Variants in TMOD1 observed in about 807,000 individuals in gnomAD.
The protein encoded by TMOD1 is tropomodulin 1.
TMOD1 carries 17 observed loss-of-function variants against 40.6 expected under a neutral mutation model. The observed-to-expected ratio is 0.42, with a 90% CI of 0.29 to 0.63. TMOD1 has a LOEUF of 0.63. Among genes scored for constraint, TMOD1 ranks in the 20% least tolerant of loss-of-function variants. The pLI, the probability that TMOD1 is intolerant of heterozygous loss-of-function variation, is 0.22. For missense variants in TMOD1, 391 were observed against 447.6 expected, an observed-to-expected ratio of 0.87 and a Z score of 1.14; for synonymous variants, 181 against 175.0, an observed-to-expected ratio of 1.03 and a Z score of -0.27.
chr9:97,568,904 A>C lies in TMOD1; in HGVS notation c.737A>C (p.Glu246Ala). 6.2e-7 allele frequency: 1 copy of C among 1,614,074 alleles called. No homozygotes were observed. The highest frequency in any genetic ancestry group is 2.2e-5 in the East Asian group (1 of 44,880). The change falls in exon 8 of 10, where the codon GAG becomes GCG. Residue 246 changes from glutamate (E) to alanine (A), a missense_variant. Transcript: ENST00000259365. ...SNDPVAYALAEMLKENKVLKT... is the reference protein window; with the variant it reads ...SNDPVAYALAAMLKENKVLKT... ...CTCTTGTGCTTCAAGGCCCTTGCTG[A>C]GATGCTCAAGGAGAACAAGGTGTTG...
intron 8 of TMOD1, among the ~76,000 whole-genome samples, chr9:97,580,608 AAAAG>A (rs1011508142): frequency 4.6e-5 from 7 of 152,064 alleles, no homozygotes; most frequent in Middle Eastern, 3.4e-3. Flanking sequence ...TCTGTCTCAG[AAAAG>A]AAAGAAAGAG....
At position 97,591,428 on chromosome 9, in the gene TMOD1, T is replaced by C. The variant is rs1410588673; in HGVS notation, c.1008T>C (p.Asn336=). The part of the protein sequence containing the change: ...LRASNAMMNN[N]DLVRKRRLAD... ...CATCCAACGCAATGATGAACAACAA[T>C]GACCTTGGTGAGTAGAAATATGCTT... Residue 336 remains asparagine (N), a synonymous_variant, in exon 9 of 10, where the codon AAT becomes AAC. Coordinates refer to ENST00000259365, the MANE Select transcript of TMOD1 (RefSeq NM_003275.4). 3 of 1,613,946 alleles carry C rather than the reference T, an allele frequency of 1.9e-6. No homozygotes were observed. The highest frequency in any genetic ancestry group is 1.3e-5 in the African/African-American group (1 of 74,928).
chr9:97,509,535 A>T (rs1354472166), intron 1 of TMOD1, among the ~76,000 whole-genome samples: 1 of 143,884 alleles, frequency 7.0e-6, no homozygotes, highest in Non-Finnish European at 1.5e-5. Context: ...TTTTTAGACA[A>T]GGTCTCACTC....
intron 1 of TMOD1, among the ~76,000 whole-genome samples, chr9:97,518,312 C>T (rs2131216700): frequency 6.6e-6 from 1 of 152,340 alleles, no homozygotes; most frequent in Non-Finnish European, 1.5e-5. Context: ...CCTCTGCCGG[C>T]CAAGGAACAC....
chr9:97,580,174 T>C lies in TMOD1; in HGVS notation c.871-11117T>C, dbSNP rs146540813. On this transcript the variant is annotated intron_variant, in intron 8 of 9. Transcript: ENST00000259365. Reference sequence around the variant, plus strand: ...GAGGCAGGGCCTGGGACACAGTAAATTGCAGCAGTTCTTGGCAGTGGGGAG... The same window carrying C: ...GAGGCAGGGCCTGGGACACAGTAAACTGCAGCAGTTCTTGGCAGTGGGGAG... 5.8e-3 allele frequency among the ~76,000 whole-genome samples: 882 copies of C among 152,298 alleles called. 7 individuals carry two copies. Among genetic ancestry groups the C allele is most frequent in the African/African-American group, 0.02 (849 of 41,564 alleles).
At chr9:97,574,858 G>A (rs1830897002) in intron 8 of TMOD1, among the ~76,000 whole-genome samples, 1 of 152,120 alleles carries the variant, frequency 6.6e-6, no homozygotes, top group Non-Finnish European at 1.5e-5. Flanking sequence ...TAATCTAGTG[G>A]GGAGGTGGAG....
At chr9:97,555,680 C>A (rs776448952) in intron 4 of TMOD1, 39 of 1,551,136 alleles carry the variant, frequency 2.5e-5, no homozygotes, top group Non-Finnish European at 3.3e-5. Flanking sequence ...GGACTGAACA[C>A]TTTTGACCAC....
chr9:97,518,850 C>T (rs998694766), intron 1 of TMOD1, among the ~76,000 whole-genome samples: 2 of 152,138 alleles, frequency 1.3e-5, no homozygotes, highest in African/African-American at 2.4e-5. Context: ...GTAGAGGGAA[C>T]CTGACATAAA....
rs1826250958 is a variant in TMOD1 at position 97,601,212 on chromosome 9, C to T, written c.*1514C>T. 1.1e-5 allele frequency: 14 copies of T among 1,285,292 alleles called. No homozygotes were observed. The highest frequency in any genetic ancestry group is 5.1e-5 in the South Asian group (4 of 78,212). The allele number at this position is 1,285,292 out of a possible 1,614,324, so 79.6% of individuals were successfully genotyped here. On this transcript the variant is annotated 3_prime_UTR_variant, in exon 10 of 10. Coordinates refer to ENST00000259365, the MANE Select transcript of TMOD1 (RefSeq NM_003275.4). ...ACACAATTGCAGCTGCATTCTGCAT[C>T]GCTGAAAACTGCAATATAATATTAA... is the stretch of plus-strand genomic sequence containing the variant.
intron 8 of TMOD1, among the ~76,000 whole-genome samples, chr9:97,590,559 T>C (rs1437382033): frequency 1.3e-5 from 2 of 151,994 alleles, no homozygotes; most frequent in Non-Finnish European, 2.9e-5. Flanking sequence ...CCTGGCACTA[T>C]TATAACTGAG....
intron 2 of TMOD1, among the ~76,000 whole-genome samples, chr9:97,535,524 C>A (rs2131234379): frequency 1.3e-5 from 2 of 152,356 alleles, no homozygotes; most frequent in South Asian, 4.1e-4. Context: ...AGTAAGGTGA[C>A]CACACCACTG....
intron 1 of TMOD1, chr9:97,512,942 C>T (rs1433055422): frequency 2.6e-5 from 4 of 152,082 alleles, no homozygotes; most frequent in Non-Finnish European, 5.9e-5. Flanking sequence ...TGTATATAGC[C>T]AGTGTCTTGT....
chr9:97,517,999 T>C (rs1829843972), intron 1 of TMOD1, among the ~76,000 whole-genome samples: 1 of 152,140 alleles, frequency 6.6e-6, no homozygotes, highest in South Asian at 2.1e-4. Flanking sequence ...AGGACTCCAC[T>C]CCCTTGCCCA....
chr9:97,551,762 T>C (rs1400048758), intron 3 of TMOD1, among the ~76,000 whole-genome samples: 3 of 152,252 alleles, frequency 2.0e-5, no homozygotes, highest in Non-Finnish European at 4.4e-5. Context: ...ATTGGATCTG[T>C]AGATTGCTTT....
chr9:97,596,181 C>A (rs1564002244), intron 9 of TMOD1, among the ~76,000 whole-genome samples: 2 of 152,174 alleles, frequency 1.3e-5, no homozygotes, highest in Non-Finnish European at 2.9e-5. Flanking sequence ...CAGCCAGTCA[C>A]CTCCTTGCCA....
chr9:97,555,378 C>A (rs1830520255), intron 4 of TMOD1: 1 of 1,278,180 alleles, frequency 7.8e-7, no homozygotes, highest in Non-Finnish European at 9.9e-7. Context: ...TGACGTCACT[C>A]CCCTCATTAG....
intron 1 of TMOD1, among the ~76,000 whole-genome samples, chr9:97,503,736 G>A (rs1054196746): frequency 6.6e-6 from 1 of 152,238 alleles, no homozygotes; most frequent in African/African-American, 2.4e-5. Context: ...CAAAGTAGGT[G>A]TGGCAGCTCT....
intron 1 of TMOD1, among the ~76,000 whole-genome samples, chr9:97,514,128 C>G (rs1029088219): frequency 3.3e-5 from 5 of 151,786 alleles, no homozygotes; most frequent in African/African-American, 1.2e-4. Flanking sequence ...GCAGCACGAT[C>G]TTGGCTCACA....
At chr9:97,579,470 C>T (rs375470678) in intron 8 of TMOD1, among the ~76,000 whole-genome samples, 17 of 152,184 alleles carry the variant, frequency 1.1e-4, no homozygotes, top group African/African-American at 3.9e-4. Flanking sequence ...TTTGTAGTGA[C>T]GAGTTTTCTC....
Sources: allele counts gnomAD v4.1 joint callset (sites outside exome capture counted in the v4.1 genomes callset), GRCh38; gene constraint gnomAD v4.1.1; transcripts MANE v1.5; gene names NCBI Gene and HGNC (gene_info 2026-07-23, HGNC 2026-07-21).